CDK11A: variants seen among roughly 807,000 people sequenced by gnomAD.
CDK11A encodes the protein cyclin dependent kinase 11A.
CDK11A carries 55 observed loss-of-function variants against 83.6 expected under a neutral mutation model. The ratio of observed to expected loss-of-function variants is 0.66; its 90% CI spans 0.53 to 0.82. The LOEUF is 0.82. Ranked by LOEUF, CDK11A falls within the 40% of genes least tolerant of loss-of-function variation. The probability of loss-of-function intolerance (pLI) is 0.00; values close to 1 mark genes in which losing one functional copy is unlikely to be tolerated. For synonymous variants in CDK11A, 247 were observed against 302.7 expected, an observed-to-expected ratio of 0.82 and a Z score of 1.91; for missense variants, 564 against 810.1, an observed-to-expected ratio of 0.70 and a Z score of 3.69.
intron 10 of CDK11A, among the ~76,000 whole-genome samples, 173 bp downstream of exon 10, chr1:1,708,007 G>A (rs1362803406): frequency 6.8e-6 from 1 of 146,456 alleles, no homozygotes; most frequent in Non-Finnish European, 1.5e-5. Flanking sequence ...GGTCAGCACT[G>A]TGCCTCGCTG....
At position 1,704,565 on chromosome 1, in the gene CDK11A, G is replaced by A. The variant is rs1408821383; in HGVS notation, c.1549C>T (p.Gln517Ter). 6.2e-7 allele frequency: 1 copy of A among 1,604,794 alleles called. No individual in the cohort carries two copies. The highest frequency in any genetic ancestry group is 1.7e-5 in the Admixed American group (1 of 59,180). Residue 517 changes from glutamine (Q) to a stop codon, truncating the protein, a stop_gained, in exon 14 of 20, where the codon CAG (glutamine) becomes TAG (stop). Transcript: ENST00000404249. LOFTEE classifies it high-confidence loss of function. ...GCGGCTGTACCTGGCAGGAAGGGCT[G>A]TTTCATGGTCTCCATCAGGCTCTTG... ...DLKSLMETMK[Q>*]PFLPGEVKTL...
intron 3 of CDK11A, among the ~76,000 whole-genome samples, chr1:1,721,036 T>G (rs1644885865): frequency 6.6e-6 from 1 of 150,590 alleles, no homozygotes; most frequent in African/African-American, 2.4e-5. Context: ...GAGACCATCC[T>G]GGCTAATTTT....
chr1:1,714,880 C>T (rs1269113722), intron 5 of CDK11A, among the ~76,000 whole-genome samples: 5 of 148,614 alleles, frequency 3.4e-5, no homozygotes, highest in South Asian at 2.1e-4. Context: ...ACGTCTTTGG[C>T]GGGATCACAG....
chr1:1,707,131 G>A (rs1644345512), intron 11 of CDK11A, among the ~76,000 whole-genome samples: 1 of 144,146 alleles, frequency 6.9e-6, no homozygotes, highest in African/African-American at 2.7e-5. Context: ...AACTCGGGCA[G>A]CAGTGACAGC....
intron 5 of CDK11A, among the ~76,000 whole-genome samples, chr1:1,712,865 G>A (rs527409611): frequency 2.4e-5 from 1 of 42,266 alleles, no homozygotes; most frequent in African/African-American, 4.0e-5. Flanking sequence ...CCATTCGATC[G>A]GTGTTTGCTT....
At chr1:1,718,476 T>A (rs1225223625) in intron 4 of CDK11A, among the ~76,000 whole-genome samples, 1 of 148,880 alleles carries the variant, frequency 6.7e-6, no homozygotes, top group Admixed American at 6.7e-5. Flanking sequence ...CAGCTAGAGT[T>A]TGCTCTCTCT....
At chr1:1,704,786 T>A in intron 13 of CDK11A, 118 bp downstream of exon 13, 1 of 1,595,362 alleles carries the variant, frequency 6.3e-7, no homozygotes. Flanking sequence ...TTCTGTGTGG[T>A]CTGTGAAGGG....
At chr1:1,706,003 G>A (rs902161284) in intron 11 of CDK11A, among the ~76,000 whole-genome samples, 1 of 150,698 alleles carries the variant, frequency 6.6e-6, no homozygotes, top group Non-Finnish European at 1.5e-5. Flanking sequence ...AGCACTTTGG[G>A]AGGGCAAGGC....
At position 1,719,446 on chromosome 1, in the gene CDK11A, T is replaced by A. The variant is rs201091435; in HGVS notation, c.237A>T (p.Glu79Asp). The change falls in exon 4 of 20, where the codon GAA (glutamate) becomes GAT (aspartate). Residue 79 changes from glutamate (E) to aspartate (D), a missense_variant. Transcript: ENST00000404249. Reference protein sequence around the residue: ...REDSMEDRGEEDDSLAIKPPQ... With the variant: ...REDSMEDRGEDDDSLAIKPPQ... ...GTGGTTTGATGGCCAAAGAATCATC[T>A]TCTTCTCCTCTGAAATAAAACACAA... 2.7e-6 allele frequency: 4 copies of A among 1,505,128 alleles called. No individual in the cohort carries two copies. Among genetic ancestry groups the A allele is most frequent in the African/African-American group, 2.8e-5 (2 of 70,466 alleles). 93.2% of individuals were successfully genotyped at this position (1,505,128 alleles called of 1,614,324 possible). A position where few individuals can be genotyped will look rare whatever the true frequency, so the allele number is the denominator to read the frequency against.
chr1:1,709,483 T>TGC lies in CDK11A; in HGVS notation c.748+33_748+34dup, dbSNP rs1306668314. ...CATCCCCCAGAAAAGACTCACACTG[T>TGC]GCTGGCTTCTGCGCAGGCGCCGGCC... On this transcript the variant is annotated intron_variant, in intron 7 of 19. Transcript: ENST00000404249. 324 of 288,222 alleles carry TGC rather than the reference T, an allele frequency of 1.1e-3. 1 individual carries two copies. In the African/African-American group the frequency reaches 0.013, roughly 12 times the overall value. The allele number at this position is 288,222 out of a possible 1,614,324, so 17.9% of individuals were successfully genotyped here.
chr1:1,703,497 T>C lies in CDK11A; in HGVS notation c.2039A>G (p.Gln680Arg), dbSNP rs1213535366. 3.9e-6 allele frequency: 6 copies of C among 1,536,000 alleles called. No individual in the cohort carries two copies. The highest frequency in any genetic ancestry group is 3.9e-5 in the Admixed American group (2 of 51,398). ...TCACTTGTTCATGAGGTCGAAGCCC[T>C]GGTCTGAGAGCAGAGCCCCGAAGCG... Reference protein sequence around the residue: ...RKRFGALLSDQGFDLMNKFLT... With the variant: ...RKRFGALLSDRGFDLMNKFLT... Residue 680 changes from glutamine to arginine, a missense_variant, in exon 18 of 20, where the codon CAG becomes CGG. Physicochemically the swap from Gln to Arg is conservative, Grantham distance 43. Around this residue, in one of 5 missense-constraint regions of CDK11A, gnomAD observed 361 missense variants for 402.7 expected, o/e 0.90. Transcript: ENST00000404249.
intron 14 of CDK11A, 63 bp from the exon 15 acceptor site, chr1:1,704,407 C>T: frequency 1.3e-6 from 2 of 1,592,742 alleles, no homozygotes; most frequent in Non-Finnish European, 1.7e-6. Flanking sequence ...CTCAGGGTGG[C>T]CCGCTCGCCT....
chr1:1,716,108 TC>T lies in CDK11A; in HGVS notation c.488+237del, dbSNP rs1255728638. ...CCCGGCGGGACGTGCAGATTTCTGATCCCTTCATTGTCTTCCCTCAATCAAA... is the reference window on the plus strand; with the variant it reads ...CCCGGCGGGACGTGCAGATTTCTGATCCTTCATTGTCTTCCCTCAATCAAA... On this transcript the variant is annotated intron_variant, in intron 5 of 19. Coordinates refer to ENST00000404249, the MANE Select transcript of CDK11A (RefSeq NM_024011.4). Among the ~76,000 whole-genome samples, 3 of 150,586 alleles carry T rather than the reference TC, an allele frequency of 2.0e-5. 1 individual carries two copies. Among genetic ancestry groups the T allele is most frequent in the Non-Finnish European group, 4.4e-5 (3 of 67,528 alleles).
In CDK11A at chr1:1,706,695, C is replaced by T. The variant is rs1453998131; in HGVS notation, c.1245+714G>A. On this transcript the variant is annotated intron_variant, in intron 11 of 19. Coordinates refer to ENST00000404249, the MANE Select transcript of CDK11A (RefSeq NM_024011.4). ...CCTACCCCTCGGTGTACCTTGGGGC[C>T]GGTGCCCAGGCCGGATGTCACGTAC... Among the ~76,000 whole-genome samples the T allele has an allele frequency of 3.3e-5, 5 of 151,460 alleles. 1 individual carries two copies. The highest frequency in any genetic ancestry group is 9.7e-5 in the African/African-American group (4 of 41,338).
chr1:1,721,135 G>T (rs553898367), intron 3 of CDK11A, among the ~76,000 whole-genome samples: 1 of 150,540 alleles, frequency 6.6e-6, no homozygotes. Context: ...GGAGCTTGCA[G>T]TGAGCCGAGA....
intron 1 of CDK11A, among the ~76,000 whole-genome samples, chr1:1,723,553 G>A (rs1229913139): frequency 1.5e-5 from 1 of 68,470 alleles, no homozygotes; most frequent in African/African-American, 3.9e-5. Flanking sequence ...GCCAGGCAAG[G>A]TGGCGAGCGC....
At position 1,719,041 on chromosome 1, in the gene CDK11A, A is replaced by C. The variant is rs896131180; in HGVS notation, c.355+287T>G. ...ATAGCCCTTCTGAATGGCCTGTGACACACGCATGCTTTCAGCTAGTTTGCT... is the reference window on the plus strand; with the variant it reads ...ATAGCCCTTCTGAATGGCCTGTGACCCACGCATGCTTTCAGCTAGTTTGCT... On this transcript the variant is annotated intron_variant, in intron 4 of 19. Coordinates refer to ENST00000404249, the MANE Select transcript of CDK11A (RefSeq NM_024011.4). 1.4e-4 allele frequency: 29 copies of C among 208,070 alleles called. 1 individual carries two copies. The highest frequency in any genetic ancestry group is 2.6e-4 in the Non-Finnish European group (27 of 104,420). 12.9% of individuals were successfully genotyped at this position (208,070 alleles called of 1,614,324 possible). A position where few individuals can be genotyped will look rare whatever the true frequency, so the allele number is the denominator to read the frequency against.
intron 5 of CDK11A, 109 bp downstream of exon 5, chr1:1,716,237 C>T: frequency 3.9e-6 from 5 of 1,266,234 alleles, no homozygotes; most frequent in Non-Finnish European, 5.6e-6. Context: ...CCATGTCTAC[C>T]ACTTCTGCAA....
intron 11 of CDK11A, among the ~76,000 whole-genome samples, chr1:1,706,551 A>G (rs924107634): frequency 6.6e-6 from 1 of 151,194 alleles, no homozygotes; most frequent in African/African-American, 2.4e-5. Context: ...CCAGTCTCCA[A>G]AAAAAAGGCC....
Sources: gnomAD v4.1 joint callset for allele counts (sites outside exome capture counted in the v4.1 genomes callset) on GRCh38, gnomAD v4.1.1 for gene constraint, gnomAD v4.1.1 regional missense constraint, MANE v1.5 for transcripts, NCBI Gene and HGNC (gene_info 2026-07-23, HGNC 2026-07-21) for gene names.